The following OPCML variants were observed in gnomAD, a reference collection of about 807,000 sequenced individuals.
The protein encoded by OPCML is opioid-binding protein/cell adhesion molecule.
In OPCML, 13 loss-of-function variants were observed where a neutral mutation model predicts 37.8. That is an observed-to-expected ratio of 0.34 (90% confidence interval 0.22 to 0.55). The LOEUF (loss-of-function observed/expected upper bound fraction) is 0.55, where lower values mean the gene tolerates loss of function less well. OPCML is among the 20% of genes least tolerant of loss of function. The pLI is 0.91. For missense variants in OPCML, 341 were observed against 435.6 expected, an observed-to-expected ratio of 0.78 and a Z score of 1.93; for synonymous variants, 176 against 168.8, an observed-to-expected ratio of 1.04 and a Z score of -0.33.
intron 1 of OPCML, among the ~76,000 whole-genome samples, chr11:133,080,353 G>C (rs201857874): frequency 6.6e-6 from 1 of 152,166 alleles, no homozygotes; most frequent in Non-Finnish European, 1.5e-5. Flanking sequence ...ACACTACTGC[G>C]GCCGGTGTGT....
Position 133,205,328 on chromosome 11 carries a change from C to T in OPCML, c.62-262318G>A, listed in dbSNP as rs537836902. Among the ~76,000 whole-genome samples, 2 of 152,186 alleles carry T rather than the reference C, an allele frequency of 1.3e-5. No homozygotes were observed. Among genetic ancestry groups the T allele is most frequent in the African/African-American group, 4.8e-5 (2 of 41,446 alleles). ...CTCCCCGCTGCCTTGCCCCACACACCTCTTCCAGCCGGCTGCTCCCCTGTA... is the reference window on the plus strand; with the variant it reads ...CTCCCCGCTGCCTTGCCCCACACACTTCTTCCAGCCGGCTGCTCCCCTGTA... On this transcript the variant is annotated intron_variant, in intron 1 of 7. Coordinates refer to ENST00000524381, the MANE Select transcript of OPCML (RefSeq NM_001012393.5). This position sits in a 1 kb window ranked among gnomAD's most constrained non-coding sequence, Gnocchi z 4.8.
chr11:133,501,230 G>A (rs1024379266), intron 1 of OPCML, among the ~76,000 whole-genome samples: 17 of 152,130 alleles, frequency 1.1e-4, no homozygotes, highest in African/African-American at 2.9e-4. Context: ...CACAGGCAAC[G>A]CAAACTGTGT....
chr11:133,156,522 G>T (rs1280639223), intron 1 of OPCML, among the ~76,000 whole-genome samples: 1 of 152,160 alleles, frequency 6.6e-6, no homozygotes, highest in Non-Finnish European at 1.5e-5. Context: ...CTCTCATCAG[G>T]CCTCTAGGCT....
chr11:132,810,397 C>G (rs1347165482), intron 2 of OPCML, among the ~76,000 whole-genome samples: 1 of 152,134 alleles, frequency 6.6e-6, no homozygotes, highest in Non-Finnish European at 1.5e-5. Flanking sequence ...ACCAGCATGT[C>G]TAGACTCAGA....
chr11:132,583,461 G>A (rs1288776138), intron 3 of OPCML, among the ~76,000 whole-genome samples: 1 of 151,970 alleles, frequency 6.6e-6, no homozygotes, highest in African/African-American at 2.4e-5. Flanking sequence ...ACTGTGCCAG[G>A]CTAACTTTTT....
chr11:133,009,716 T>C (rs1370375829), intron 1 of OPCML, among the ~76,000 whole-genome samples: 4 of 152,164 alleles, frequency 2.6e-5, no homozygotes, highest in African/African-American at 9.7e-5. Flanking sequence ...GTCCCTCACA[T>C]GCGTAATTCA....
intron 1 of OPCML, among the ~76,000 whole-genome samples, chr11:132,949,830 G>A (rs1482382447): frequency 1.3e-5 from 2 of 152,114 alleles, no homozygotes; most frequent in Non-Finnish European, 2.9e-5. Context: ...TGTTGAAGGA[G>A]GGGGAAAAAG....
At chr11:133,359,859 G>A (rs981728469) in intron 1 of OPCML, among the ~76,000 whole-genome samples, 5 of 152,096 alleles carry the variant, frequency 3.3e-5, no homozygotes, top group African/African-American at 9.7e-5. Flanking sequence ...GATAACCAGC[G>A]GAAGATCTAA....
At chr11:132,716,400 A>ATCTGTCTG (rs1591508211) in intron 2 of OPCML, among the ~76,000 whole-genome samples, 1 of 45,936 alleles carries the variant, frequency 2.2e-5, no homozygotes, top group Non-Finnish European at 3.8e-5. Flanking sequence ...TTATCTATCT[A>ATCTGTCTG]TCTATCTGTC....
At chr11:133,223,478 C>T (rs923864863) in intron 1 of OPCML, among the ~76,000 whole-genome samples, 7 of 152,066 alleles carry the variant, frequency 4.6e-5, no homozygotes, top group African/African-American at 9.7e-5. Flanking sequence ...CCATTCATAT[C>T]TGGTAGCAGA....
chr11:132,951,557 G>C (rs1945861715), intron 1 of OPCML, among the ~76,000 whole-genome samples: 1 of 152,186 alleles, frequency 6.6e-6, no homozygotes, highest in Admixed American at 6.5e-5. Flanking sequence ...CCATGATTCA[G>C]CCGACATCAG....
In OPCML at chr11:133,171,150, G is replaced by A. The variant is rs528760366; in HGVS notation, c.62-228140C>T. Reference sequence around the variant, plus strand: ...CCCTATACCTCTTTGTTTTACTTGAGAATTGGCCATCCAAACTCCCATTTT... The same window carrying A: ...CCCTATACCTCTTTGTTTTACTTGAAAATTGGCCATCCAAACTCCCATTTT... On this transcript the variant is annotated intron_variant, in intron 1 of 7. Transcript: ENST00000524381. 5.0e-4 allele frequency among the ~76,000 whole-genome samples: 76 copies of A among 152,296 alleles called. No individual in the cohort carries two copies. The South Asian group carries it at 0.014, about 28-fold the overall frequency.
At chr11:132,659,704 C>CTGTG (rs58318033) in intron 2 of OPCML, among the ~76,000 whole-genome samples, 358 of 147,324 alleles carry the variant, frequency 2.4e-3, no homozygotes, top group South Asian at 0.016. Context: ...CACAAAATTC[C>CTGTG]TGTGTGTGTG....
chr11:133,124,372 C>T (rs1306825038), intron 1 of OPCML, among the ~76,000 whole-genome samples: 3 of 152,108 alleles, frequency 2.0e-5, no homozygotes, highest in East Asian at 1.9e-4. Flanking sequence ...GGTATCAGGA[C>T]ATCTCCTCTG....
At chr11:132,430,489 A>G (rs1255622524) in intron 7 of OPCML, among the ~76,000 whole-genome samples, 1 of 152,180 alleles carries the variant, frequency 6.6e-6, no homozygotes, top group Non-Finnish European at 1.5e-5. Context: ...AGCAAAAGAA[A>G]ATAGAGATTA....
chr11:132,703,602 T>C (rs985012900), intron 2 of OPCML, among the ~76,000 whole-genome samples: 3 of 152,176 alleles, frequency 2.0e-5, no homozygotes, highest in Non-Finnish European at 4.4e-5. Context: ...GTAGGCTTGC[T>C]GTTAGAGTTC....
intron 1 of OPCML, among the ~76,000 whole-genome samples, chr11:133,431,944 C>T (rs187471916): frequency 3.3e-4 from 50 of 151,962 alleles, no homozygotes; most frequent in Middle Eastern, 3.4e-3. Context: ...AAAATACGTA[C>T]GGTTCTCTCT....
chr11:133,182,372 T>G (rs483591), intron 1 of OPCML, among the ~76,000 whole-genome samples: 24,898 of 152,234 alleles, frequency 0.16, 2,450 homozygotes, highest in Non-Finnish European at 0.22. Context: ...AGCAATGCAA[T>G]TTCTGTGTTT....
intron 1 of OPCML, among the ~76,000 whole-genome samples, chr11:133,312,284 A>C (rs1943082692): frequency 6.6e-6 from 1 of 152,204 alleles, no homozygotes; most frequent in African/African-American, 2.4e-5. Context: ...GCTTCCCCCC[A>C]AAAGAAAGAA....
Sources: gnomAD v4.1 joint callset for allele counts (sites outside exome capture counted in the v4.1 genomes callset) on GRCh38, gnomAD v4.1.1 for gene constraint, Gnocchi (gnomAD v3.1) non-coding constraint, MANE v1.5 for transcripts, NCBI Gene and HGNC (gene_info 2026-07-23, HGNC 2026-07-21) for gene names.